Variants in UCK2 observed in about 807,000 individuals in gnomAD.
The protein encoded by UCK2 is uridine-cytidine kinase 2, also known as cytidine monophosphokinase 2.
UCK2 carries 6 observed loss-of-function variants against 30.8 expected under a neutral mutation model. The observed-to-expected ratio is 0.19, with a 90% CI of 0.11 to 0.38. The LOEUF (loss-of-function observed/expected upper bound fraction) is 0.38, where lower values mean the gene tolerates loss of function less well. UCK2 is among the 10% of genes least tolerant of loss of function. The pLI is 1.00. For missense variants in UCK2, 210 were observed against 339.8 expected (o/e 0.62, Z 3.00); for synonymous variants, 125 against 133.6 (o/e 0.94, Z 0.45).
chr1:165,837,780 A>T (rs1406500535), intron 1 of UCK2, among the ~76,000 whole-genome samples: 10 of 151,962 alleles, frequency 6.6e-5, no homozygotes, highest in Admixed American at 6.6e-4. Flanking sequence ...ATATTAAGTA[A>T]TTTTTTTTCA....
At chr1:165,870,908 TC>T (rs1303618345) in intron 1 of UCK2, among the ~76,000 whole-genome samples, 2 of 152,194 alleles carry the variant, frequency 1.3e-5, no homozygotes, top group African/African-American at 4.8e-5. Context: ...ACCTCCGCCG[TC>T]CAGGTTCAAG....
At position 165,908,398 on chromosome 1, in the gene UCK2, A is replaced by C. The variant is rs1037128860; in HGVS notation, c.*575A>C. ...GGAGCTGGAGCTTAGTGATATGTCA[A>C]TGAGAGATACTCTTGTCTTTTTTTT... is the stretch of plus-strand genomic sequence containing the variant. On this transcript the variant is annotated 3_prime_UTR_variant, in exon 7 of 7. Transcript: ENST00000367879. The C allele has an allele frequency of 6.6e-6, 1 of 150,900 alleles. No homozygotes were observed. Among genetic ancestry groups the C allele is most frequent in the African/African-American group, 2.4e-5 (1 of 40,992 alleles). The allele number at this position is 150,900 out of a possible 1,614,324, so 9.3% of individuals were successfully genotyped here. A position where few individuals can be genotyped will look rare whatever the true frequency, so the allele number is the denominator to read the frequency against.
Position 165,908,089 on chromosome 1 carries a change from A to C in UCK2, c.*266A>C. 3.2e-6 allele frequency: 1 copy of C among 309,284 alleles called. No individual in the cohort carries two copies. The highest frequency in any genetic ancestry group is 5.9e-6 in the Non-Finnish European group (1 of 168,368). 19.2% of individuals were successfully genotyped at this position (309,284 alleles called of 1,614,324 possible). On this transcript the variant is annotated 3_prime_UTR_variant, in exon 7 of 7. Transcript: ENST00000367879. The stretch of plus-strand genomic sequence containing the variant: ...ATCCAACGTGTAACCAGTTATAAAT[A>C]CATATATATATAAAAAAGGATCTAT...
chr1:165,881,042 G>A (rs1470261471), intron 1 of UCK2, among the ~76,000 whole-genome samples: 1 of 151,814 alleles, frequency 6.6e-6, no homozygotes, highest in Non-Finnish European at 1.5e-5. Context: ...GTGTGGTGGT[G>A]CACACCTATA....
chr1:165,904,781 T>C (rs1052348973), intron 5 of UCK2, among the ~76,000 whole-genome samples: 1 of 152,182 alleles, frequency 6.6e-6, no homozygotes, highest in Non-Finnish European at 1.5e-5. Flanking sequence ...GCCCACATGC[T>C]TGAGGTGTGG....
At chr1:165,889,800 C>T (rs928082361) in intron 1 of UCK2, among the ~76,000 whole-genome samples, 1 of 151,302 alleles carries the variant, frequency 6.6e-6, no homozygotes, top group Non-Finnish European at 1.5e-5. Context: ...AGGTATTAAG[C>T]CTAGTACCCA....
intron 1 of UCK2, among the ~76,000 whole-genome samples, chr1:165,884,581 CAA>C (rs1477891203): frequency 2.0e-5 from 3 of 152,176 alleles, no homozygotes; most frequent in African/African-American, 7.2e-5. Flanking sequence ...GGGTATATGA[CAA>C]AGAGGCGACA....
chr1:165,889,423 A>G (rs1309886412), intron 1 of UCK2, among the ~76,000 whole-genome samples: 1 of 152,198 alleles, frequency 6.6e-6, no homozygotes, highest in African/African-American at 2.4e-5. Flanking sequence ...GCACATCATC[A>G]CCATGCCTTC....
At position 165,902,592 on chromosome 1, in the gene UCK2, A is replaced by ATTTTTTTTTTTTTTTTTTTTTTT. The variant is rs386368582; in HGVS notation, c.500-585_500-563dup. 8 of 45,758 alleles carry ATTTTTTTTTTTTTTTTTTTTTTT rather than the reference A, an allele frequency of 1.7e-4. 2 individuals are homozygous for ATTTTTTTTTTTTTTTTTTTTTTT. Among genetic ancestry groups the ATTTTTTTTTTTTTTTTTTTTTTT allele is most frequent in the Non-Finnish European group, 2.7e-4 (7 of 26,110 alleles). 2.8% of individuals were successfully genotyped at this position (45,758 alleles called of 1,614,324 possible). A position where few individuals can be genotyped will look rare whatever the true frequency, so the allele number is the denominator to read the frequency against. ...TGGTTTTCTTATCTTTCACTGAGTG[A>ATTTTTTTTTTTTTTTTTTTTTTT]TTTTTTTTTTTTTTTTTTTTTTTTT... is the stretch of plus-strand genomic sequence containing the variant. On this transcript the variant is annotated intron_variant, in intron 4 of 6. Transcript: ENST00000367879.
In UCK2 at chr1:165,907,795, C is replaced by T. The variant is rs1647720307; in HGVS notation, c.758C>T (p.Ala253Val). 1 of 1,614,064 alleles carries T rather than the reference C, an allele frequency of 6.2e-7. No individual in the cohort carries two copies. Among genetic ancestry groups the T allele is most frequent in the African/African-American group, 1.3e-5 (1 of 74,926 alleles). The change falls in exon 7 of 7, where the codon GCA becomes GTA. Residue 253 changes from alanine (A) to valine (V), a missense_variant. Coordinates refer to ENST00000367879, the MANE Select transcript of UCK2 (RefSeq NM_012474.5). ...NGYTPSRKRQ[A>V]SESSSRPH ...TACACCCCTTCACGCAAGAGGCAGG[C>T]ATCGGAGTCCAGCAGCAGGCCGCAT...
At chr1:165,853,084 A>C (rs1343585836) in intron 1 of UCK2, among the ~76,000 whole-genome samples, 1 of 152,132 alleles carries the variant, frequency 6.6e-6, no homozygotes, top group African/African-American at 2.4e-5. Context: ...GCCGCCTTCC[A>C]GTGGAGCTTT....
At chr1:165,897,891 C>G (rs1647324589) in intron 4 of UCK2, 3 of 152,186 alleles carry the variant, frequency 2.0e-5, no homozygotes, top group Non-Finnish European at 4.4e-5. Flanking sequence ...TTAGTTCTAG[C>G]AGAGCCCTTC....
At chr1:165,898,624 A>G (rs867039376) in intron 4 of UCK2, among the ~76,000 whole-genome samples, 1 of 152,226 alleles carries the variant, frequency 6.6e-6, no homozygotes, top group African/African-American at 2.4e-5. Flanking sequence ...TGCAGGAACC[A>G]GCACAGGAGA....
chr1:165,903,065 C>A, intron 4 of UCK2, 117 bp from the exon 5 acceptor site: 2 of 742,000 alleles, frequency 2.7e-6, no homozygotes, highest in Non-Finnish European at 4.5e-6. Context: ...AGGATTCCAG[C>A]TTGAGAATCA....
intron 1 of UCK2, among the ~76,000 whole-genome samples, chr1:165,876,897 C>T (rs1352179825): frequency 6.6e-6 from 1 of 152,214 alleles, no homozygotes; most frequent in Non-Finnish European, 1.5e-5. Flanking sequence ...TCCGTGTCTT[C>T]ACCTTTTCTG....
At chr1:165,874,141 A>C (rs1655272775) in intron 1 of UCK2, among the ~76,000 whole-genome samples, 1 of 151,980 alleles carries the variant, frequency 6.6e-6, no homozygotes, top group African/African-American at 2.4e-5. Context: ...TTTTAAAAAC[A>C]AAAGAGACAG....
chr1:165,875,549 C>G (rs1180361117), intron 1 of UCK2, among the ~76,000 whole-genome samples: 1 of 152,146 alleles, frequency 6.6e-6, no homozygotes, highest in Non-Finnish European at 1.5e-5. Context: ...ACTCAAGTCT[C>G]TAAAACTGCC....
intron 5 of UCK2, 87 bp downstream of exon 5, chr1:165,903,366 C>A: frequency 8.7e-7 from 1 of 1,153,882 alleles, no homozygotes; most frequent in East Asian, 2.5e-5. Flanking sequence ...TGTGGAGCTC[C>A]CCTGCCTGAA....
At chr1:165,850,704 C>T (rs544330576) in intron 1 of UCK2, among the ~76,000 whole-genome samples, 61 of 151,186 alleles carry the variant, frequency 4.0e-4, no homozygotes, top group Middle Eastern at 3.4e-3. Context: ...CTGCAAGCTC[C>T]GCCTCCCGTG....
Sources: allele counts gnomAD v4.1 joint callset (sites outside exome capture counted in the v4.1 genomes callset), GRCh38; gene constraint gnomAD v4.1.1; transcripts MANE v1.5; gene names NCBI Gene and HGNC (gene_info 2026-07-23, HGNC 2026-07-21).